Variants in PALM2AKAP2 observed in about 807,000 individuals in gnomAD.
The protein encoded by PALM2AKAP2 is PALM2 and AKAP2 fusion.
PALM2AKAP2 carries 37 observed loss-of-function variants against 71.5 expected under a neutral mutation model. That is an observed-to-expected ratio of 0.52 (90% CI 0.40 to 0.68). The LOEUF (loss-of-function observed/expected upper bound fraction) is 0.68, where lower values mean the gene tolerates loss of function less well. Ranked by LOEUF, PALM2AKAP2 falls within the 30% of genes least tolerant of loss-of-function variation. PALM2AKAP2 has a pLI of 0.00. For synonymous variants in PALM2AKAP2, 468 were observed against 478.8 expected (o/e 0.98, Z 0.29); for missense variants, 1,224 against 1,191.8 (o/e 1.03, Z -0.40).
chr9:109,908,440 T>A (rs1830497669), intron 3 of PALM2AKAP2, among the ~76,000 whole-genome samples: 1 of 152,190 alleles, frequency 6.6e-6, no homozygotes, highest in South Asian at 2.1e-4. Context: ...GCTCTGCCAC[T>A]TACTGGTGGA....
At chr9:110,056,240 C>A (rs138090669) in intron 1 of PALM2AKAP2, among the ~76,000 whole-genome samples, 1 of 152,324 alleles carries the variant, frequency 6.6e-6, no homozygotes, top group East Asian at 1.9e-4. Context: ...TTCAGCCCGC[C>A]TCCCAGTGCA....
intron 6 of PALM2AKAP2, among the ~76,000 whole-genome samples, chr9:109,936,115 T>G (rs776960705): frequency 4.6e-5 from 7 of 152,226 alleles, no homozygotes; most frequent in Admixed American, 2.0e-4. Context: ...ACATAATAAT[T>G]GTACATATTT....
rs568703030 is a variant in PALM2AKAP2 at position 110,059,151 on chromosome 9, C to T, written c.156+10296C>T. ...CTGACCTCAAGTGATCCGTCTGCCT[C>T]GGCCTCCCAAAGTGCTGGGATTACA... On this transcript the variant is annotated intron_variant, in intron 1 of 3. Coordinates refer to ENST00000374525, the Ensembl canonical transcript of PALM2AKAP2. 1.6e-3 allele frequency among the ~76,000 whole-genome samples: 236 copies of T among 152,230 alleles called. 1 individual carries two copies. Among genetic ancestry groups the T allele is most frequent in the African/African-American group, 5.2e-3 (217 of 41,548 alleles).
At chr9:110,101,309 C>G (rs1365104268) in intron 1 of PALM2AKAP2, among the ~76,000 whole-genome samples, 1 of 152,166 alleles carries the variant, frequency 6.6e-6, no homozygotes, top group Admixed American at 6.5e-5. Flanking sequence ...ACCCTCCACT[C>G]CACTCCTGAG....
intron 1 of PALM2AKAP2, among the ~76,000 whole-genome samples, chr9:109,685,281 T>G (rs1383277738): frequency 6.6e-6 from 1 of 152,192 alleles, no homozygotes; most frequent in African/African-American, 2.4e-5. Context: ...AACTGGACAC[T>G]TAAAATATAT....
chr9:109,743,251 T>A (rs1331159928), intron 1 of PALM2AKAP2, among the ~76,000 whole-genome samples: 1 of 152,102 alleles, frequency 6.6e-6, no homozygotes, highest in African/African-American at 2.4e-5. Flanking sequence ...TTCCAGCACT[T>A]AGGTGGATCC....
At chr9:109,670,122 A>T (rs927534083) in intron 1 of PALM2AKAP2, among the ~76,000 whole-genome samples, 8 of 151,932 alleles carry the variant, frequency 5.3e-5, no homozygotes, top group East Asian at 1.9e-4. Context: ...TTATTTTTTT[A>T]AAAAAACTTT....
chr9:110,123,394 C>CT (rs1208601365), intron 1 of PALM2AKAP2, among the ~76,000 whole-genome samples: 1 of 152,198 alleles, frequency 6.6e-6, no homozygotes, highest in Non-Finnish European at 1.5e-5. Flanking sequence ...ATGCACATCT[C>CT]TGTGTCTACA....
intron 5 of PALM2AKAP2, 114 bp downstream of exon 5, chr9:109,925,196 A>G (rs900434175): frequency 3.3e-6 from 5 of 1,527,958 alleles, no homozygotes; most frequent in African/African-American, 1.4e-5. Context: ...AAGGCATCAG[A>G]AGAAGTAGCA....
At chr9:110,156,384 T>G (rs1233560712) in exon 3 of PALM2AKAP2, 1 of 1,612,226 alleles carries the variant, frequency 6.2e-7, no homozygotes, top group African/African-American at 1.3e-5. Flanking sequence ...GCAGCCTGAC[T>G]TAGCCCCTGA....
At chr9:110,124,202 C>T (rs906264343) in intron 1 of PALM2AKAP2, among the ~76,000 whole-genome samples, 4 of 152,292 alleles carry the variant, frequency 2.6e-5, no homozygotes, top group East Asian at 1.9e-4. Context: ...TTCCTTGACT[C>T]GTGTGCTTGG....
chr9:109,992,946 T>TAG (rs1832512314), intron 6 of PALM2AKAP2, among the ~76,000 whole-genome samples: 1 of 141,078 alleles, frequency 7.1e-6, no homozygotes, highest in Admixed American at 7.4e-5. Flanking sequence ...TATGTATATA[T>TAG]ATATATATAG....
At chr9:109,834,066 A>C (rs1011622986) in intron 1 of PALM2AKAP2, among the ~76,000 whole-genome samples, 2 of 152,236 alleles carry the variant, frequency 1.3e-5, no homozygotes, top group African/African-American at 4.8e-5. Context: ...AATAAAAATT[A>C]GCAGGACATA....
chr9:109,873,158 T>G (rs1334580442), intron 2 of PALM2AKAP2, among the ~76,000 whole-genome samples: 1 of 152,304 alleles, frequency 6.6e-6, no homozygotes, highest in East Asian at 1.9e-4. Flanking sequence ...TTTAACCCAC[T>G]TTCTGTTAGA....
chr9:109,664,621 AC>A (rs1330921590), intron 1 of PALM2AKAP2, among the ~76,000 whole-genome samples: 2 of 152,124 alleles, frequency 1.3e-5, no homozygotes, highest in Non-Finnish European at 2.9e-5. Context: ...TGCCCTTAAC[AC>A]TTTTTCCTTC....
intron 1 of PALM2AKAP2, among the ~76,000 whole-genome samples, chr9:109,745,888 T>C (rs372159235): frequency 6.6e-6 from 1 of 152,172 alleles, no homozygotes; most frequent in African/African-American, 2.4e-5. Context: ...TATGACTCCA[T>C]CCAAAACGTT....
At chr9:109,690,615 A>C (rs1587869202) in intron 1 of PALM2AKAP2, among the ~76,000 whole-genome samples, 3 of 152,238 alleles carry the variant, frequency 2.0e-5, no homozygotes, top group East Asian at 3.8e-4. Flanking sequence ...ATACACATTT[A>C]TGATTTTTCC....
intron 1 of PALM2AKAP2, among the ~76,000 whole-genome samples, chr9:109,717,681 G>A (rs1828346447): frequency 6.6e-6 from 1 of 152,246 alleles, no homozygotes; most frequent in Non-Finnish European, 1.5e-5. Context: ...TCTCTGGCTA[G>A]GCTCACAAGC....
intron 6 of PALM2AKAP2, among the ~76,000 whole-genome samples, chr9:109,939,596 G>A (rs550888942): frequency 1.9e-4 from 29 of 152,318 alleles, no homozygotes; most frequent in Middle Eastern, 3.4e-3. Context: ...TGTCCCATGA[G>A]TGTGTTAATA....
Sources: gnomAD v4.1 joint callset for allele counts (sites outside exome capture counted in the v4.1 genomes callset) on GRCh38, gnomAD v4.1.1 for gene constraint, MANE v1.5 for transcripts, NCBI Gene and HGNC (gene_info 2026-07-23, HGNC 2026-07-21) for gene names.